TMEM108: variants seen among roughly 807,000 people sequenced by gnomAD.
TMEM108 encodes the protein cancer/testis antigen 124.
In TMEM108, 12 loss-of-function variants were observed where a neutral mutation model predicts 35.1. The observed-to-expected ratio is 0.34, with a 90% confidence interval of 0.22 to 0.55. The LOEUF is 0.55. TMEM108 is among the 20% of genes least tolerant of loss of function. The pLI, the probability that TMEM108 is intolerant of heterozygous loss-of-function variation, is 0.89. For synonymous variants in TMEM108, 287 were observed against 308.6 expected (o/e 0.93, Z 0.73); for missense variants, 680 against 753.3 (o/e 0.90, Z 1.14).
In TMEM108 at chr3:133,203,410, G is replaced by T. The variant is rs532755852; in HGVS notation, c.-46-25856G>T. ...AATGCTTCCAGCTTTGGCCCATTCTGTATGATATTGGCTGTGGGTTTGTCA... is the reference window on the plus strand; with the variant it reads ...AATGCTTCCAGCTTTGGCCCATTCTTTATGATATTGGCTGTGGGTTTGTCA... On this transcript the variant is annotated intron_variant, in intron 2 of 5. Coordinates refer to ENST00000321871, the MANE Select transcript of TMEM108 (RefSeq NM_023943.4). Among the ~76,000 whole-genome samples the T allele has an allele frequency of 2.0e-5, 3 of 152,306 alleles. No homozygotes were observed. In the East Asian group the frequency reaches 5.8e-4, roughly 29 times the overall value.
At position 133,168,297 on chromosome 3, in the gene TMEM108, T is replaced by C. The variant is rs1945074386; in HGVS notation, c.-46-60969T>C. Among the ~76,000 whole-genome samples, 3 of 152,280 alleles carry C rather than the reference T, an allele frequency of 2.0e-5. No individual in the cohort carries two copies. In the South Asian group the frequency reaches 6.2e-4, roughly 32 times the overall value. On this transcript the variant is annotated intron_variant, in intron 2 of 5. Coordinates refer to ENST00000321871, the MANE Select transcript of TMEM108 (RefSeq NM_023943.4). The stretch of plus-strand genomic sequence containing the variant: ...ACTGGGTAATTTATAAGGAAAAATA[T>C]ATTTCTTACAATTCTGGAAGCTGAG...
At chr3:133,086,200 T>G (rs1400304151) in intron 2 of TMEM108, among the ~76,000 whole-genome samples, 1 of 152,204 alleles carries the variant, frequency 6.6e-6, no homozygotes, top group Admixed American at 6.5e-5. Context: ...CTCTGTACCT[T>G]GTGACCTATC....
intron 3 of TMEM108, among the ~76,000 whole-genome samples, chr3:133,291,356 C>T (rs1191821492): frequency 6.6e-6 from 1 of 151,416 alleles, no homozygotes; most frequent in African/African-American, 2.4e-5. Flanking sequence ...TCACAGCTTA[C>T]TGCAGCCTCA....
chr3:133,117,300 C>T (rs1299906283), intron 2 of TMEM108, among the ~76,000 whole-genome samples: 1 of 152,180 alleles, frequency 6.6e-6, no homozygotes, highest in Non-Finnish European at 1.5e-5. Flanking sequence ...TAGAGCTGAA[C>T]AGTTTCTGAT....
intron 2 of TMEM108, among the ~76,000 whole-genome samples, chr3:133,175,120 T>C (rs1640165344): frequency 6.6e-6 from 1 of 152,010 alleles, no homozygotes; most frequent in African/African-American, 2.4e-5. Flanking sequence ...AAGGGAAGTT[T>C]AGAGAAAAAA....
At chr3:133,126,005 TC>T (rs1262744382) in intron 2 of TMEM108, among the ~76,000 whole-genome samples, 4 of 152,210 alleles carry the variant, frequency 2.6e-5, no homozygotes, top group Non-Finnish European at 5.9e-5. Flanking sequence ...CTGACTGACA[TC>T]AATTAACTAA....
At chr3:133,189,015 A>G (rs1945461664) in intron 2 of TMEM108, among the ~76,000 whole-genome samples, 1 of 152,122 alleles carries the variant, frequency 6.6e-6, no homozygotes, top group African/African-American at 2.4e-5. Flanking sequence ...ATTAACTGGA[A>G]CTCAGTCACA....
intron 2 of TMEM108, among the ~76,000 whole-genome samples, chr3:133,093,947 A>G (rs1459471059): frequency 6.6e-6 from 1 of 152,122 alleles, no homozygotes; most frequent in African/African-American, 2.4e-5. Flanking sequence ...CATTTATAAC[A>G]TCAGTCATGA....
intron 3 of TMEM108, among the ~76,000 whole-genome samples, chr3:133,302,794 G>T: frequency 6.6e-6 from 1 of 151,978 alleles, no homozygotes; most frequent in East Asian, 1.9e-4. Flanking sequence ...TGGTAACATT[G>T]ACCCTTTAGA....
rs188608463 is a variant in TMEM108, at chr3:133,282,144, G to A, written c.40+52793G>A. 3.9e-3 allele frequency among the ~76,000 whole-genome samples: 596 copies of A among 152,284 alleles called. 6 individuals carry two copies. Among genetic ancestry groups the A allele is most frequent in the Non-Finnish European group, 6.3e-3 (430 of 68,020 alleles). On this transcript the variant is annotated intron_variant, in intron 3 of 5. Coordinates refer to ENST00000321871, the MANE Select transcript of TMEM108 (RefSeq NM_023943.4). ...TGTACTCCAGCCTGGGCGACAGAGCGAGACTCCGTCTCAAAAAAAAATAAA... is the reference window on the plus strand; with the variant it reads ...TGTACTCCAGCCTGGGCGACAGAGCAAGACTCCGTCTCAAAAAAAAATAAA...
intron 2 of TMEM108, among the ~76,000 whole-genome samples, chr3:133,132,683 C>G (rs1046984426): frequency 1.3e-5 from 2 of 152,140 alleles, no homozygotes; most frequent in African/African-American, 4.8e-5. Flanking sequence ...TTTCAACTTT[C>G]AAGTCTTATT....
chr3:133,240,472 C>A (rs1946297221), intron 3 of TMEM108, among the ~76,000 whole-genome samples: 1 of 152,122 alleles, frequency 6.6e-6, no homozygotes, highest in Non-Finnish European at 1.5e-5. Context: ...TAAAGAAATT[C>A]AATTTTATGA....
At position 133,265,318 on chromosome 3, in the gene TMEM108, A is replaced by G. The variant is rs376719568; in HGVS notation, c.40+35967A>G. Among the ~76,000 whole-genome samples the G allele has an allele frequency of 3.6e-4, 55 of 152,248 alleles. 1 individual carries two copies. The East Asian group carries it at 5.8e-3, about 16-fold the overall frequency. ...TTGATGTTCTACCTTGAAGCTTTGA[A>G]ATAGTTCATTTTAAAATGGGTCCTT... On this transcript the variant is annotated intron_variant, in intron 3 of 5. Transcript: ENST00000321871.
chr3:133,290,069 A>G (rs74522192), intron 3 of TMEM108, among the ~76,000 whole-genome samples: 2,914 of 152,338 alleles, frequency 0.019, 90 homozygotes, highest in African/African-American at 0.065. Flanking sequence ...AAAGACAGAC[A>G]ATAAACAGGA....
chr3:133,174,254 G>C (rs1440985477), intron 2 of TMEM108, among the ~76,000 whole-genome samples: 1 of 152,206 alleles, frequency 6.6e-6, no homozygotes, highest in Non-Finnish European at 1.5e-5. Flanking sequence ...TCTGGGGACG[G>C]GGCATTGCCA....
chr3:133,354,310 G>A (rs1019904380), intron 3 of TMEM108, among the ~76,000 whole-genome samples: 1 of 152,186 alleles, frequency 6.6e-6, no homozygotes, highest in East Asian at 1.9e-4. Context: ...TGGGGATGTT[G>A]CCTGGCTGGG....
intron 2 of TMEM108, among the ~76,000 whole-genome samples, chr3:133,116,970 A>G (rs13074427): frequency 0.1 from 15,512 of 152,152 alleles, 983 homozygotes; most frequent in Admixed American, 0.17. Flanking sequence ...GGGTTTCACC[A>G]TGTTGGCCAG....
At chr3:133,227,217 CAG>C (rs1259350591) in intron 2 of TMEM108, among the ~76,000 whole-genome samples, 10 of 95,510 alleles carry the variant, frequency 1.0e-4, no homozygotes, top group Non-Finnish European at 1.6e-4. Context: ...TTTTTTGAGA[CAG>C]AGTCTCGCTG....
intron 2 of TMEM108, among the ~76,000 whole-genome samples, chr3:133,060,721 G>A (rs1469478738): frequency 6.6e-6 from 1 of 152,094 alleles, no homozygotes; most frequent in Non-Finnish European, 1.5e-5. Flanking sequence ...AGTTTGGCAA[G>A]ATACATAAAA....
Sources: gnomAD v4.1 joint callset for allele counts (sites outside exome capture counted in the v4.1 genomes callset) on GRCh38, gnomAD v4.1.1 for gene constraint, MANE v1.5 for transcripts, NCBI Gene and HGNC (gene_info 2026-07-23, HGNC 2026-07-21) for gene names.